Variants in SALL3 observed in about 807,000 individuals in gnomAD.
SALL3 encodes spalt like transcription factor 3.
A neutral mutation model predicts 66.2 loss-of-function variants in SALL3; 25 were observed. The ratio of observed to expected loss-of-function variants is 0.38; its 90% CI spans 0.28 to 0.53. SALL3 has a LOEUF of 0.53. Among genes scored for constraint, SALL3 ranks in the 20% least tolerant of loss-of-function variants. SALL3 has a pLI of 0.85. For missense variants in SALL3, 2,194 were observed against 1,916.5 expected (o/e 1.14, Z -2.70); for synonymous variants, 1,152 against 899.1 (o/e 1.28, Z -5.03).
chr18:78,993,226 G>T lies in SALL3; in HGVS notation c.1235G>T (p.Ser412Ile). The T allele has an allele frequency of 6.2e-7, 1 of 1,611,280 alleles. No individual in the cohort carries two copies. The highest frequency in any genetic ancestry group is 1.3e-5 in the African/African-American group (1 of 75,046). ...PNVSVFEPKA[S>I]AEDPFFKHKC... Reference sequence around the variant, plus strand: ...GTGTCGGTGTTCGAGCCCAAAGCCAGCGCCGAGGACCCGTTCTTCAAGCAC... The same window carrying T: ...GTGTCGGTGTTCGAGCCCAAAGCCATCGCCGAGGACCCGTTCTTCAAGCAC... Residue 412 changes from serine (S) to isoleucine (I), a missense_variant, in exon 2 of 3, where the codon AGC becomes ATC. Coordinates refer to ENST00000537592, the MANE Select transcript of SALL3 (RefSeq NM_171999.4).
intron 1 of SALL3, among the ~76,000 whole-genome samples, chr18:78,990,587 TCAA>T (rs1229407532): frequency 9.2e-5 from 14 of 152,242 alleles, no homozygotes; most frequent in Non-Finnish European, 1.3e-4. Flanking sequence ...ACCCTAAACA[TCAA>T]CAACAAATGT....
At chr18:78,991,003 A>T (rs1914413116) in intron 1 of SALL3, among the ~76,000 whole-genome samples, 1 of 152,162 alleles carries the variant, frequency 6.6e-6, no homozygotes, top group Non-Finnish European at 1.5e-5. Context: ...GAGACGGAGG[A>T]AGTGGCTGCC....
At position 78,998,572 on chromosome 18, in the gene SALL3, G is replaced by A. The variant is rs888800008; in HGVS notation, c.*1250G>A. ...GGACTATGACGTCAGTACAAGCCAG[G>A]AAGGAACTAGGATAACCTTCTGCAG... On this transcript the variant is annotated 3_prime_UTR_variant, in exon 3 of 3. Coordinates refer to ENST00000537592, the MANE Select transcript of SALL3 (RefSeq NM_171999.4). 2 of 152,194 alleles carry A rather than the reference G, an allele frequency of 1.3e-5. No individual in the cohort carries two copies. The highest frequency in any genetic ancestry group is 4.8e-5 in the African/African-American group (2 of 41,452). The allele number at this position is 152,194 out of a possible 1,614,324, so 9.4% of individuals were successfully genotyped here.
chr18:78,995,436 G>A lies in SALL3; in HGVS notation c.3445G>A (p.Ala1149Thr). The change falls in exon 2 of 3, where the codon GCC becomes ACC. Residue 1149 changes from alanine to threonine, a missense_variant. By Grantham distance (58) the Ala-to-Thr change is moderately conservative. Coordinates refer to ENST00000537592, the MANE Select transcript of SALL3 (RefSeq NM_171999.4). ...GTTCGGCTGCACCATCTGCGGCCGGGCCTTCACCACTAAGGGCAACCTCAA... is the reference window on the plus strand; with the variant it reads ...GTTCGGCTGCACCATCTGCGGCCGGACCTTCACCACTAAGGGCAACCTCAA... Reference protein sequence around the residue: ...KPFGCTICGRAFTTKGNLKVH... With the variant: ...KPFGCTICGRTFTTKGNLKVH... 1.3e-6 allele frequency: 2 copies of A among 1,581,136 alleles called. No individual in the cohort carries two copies. Among genetic ancestry groups the A allele is most frequent in the South Asian group, 1.1e-5 (1 of 87,654 alleles).
chr18:78,979,913 G>T lies in SALL3; in HGVS notation c.-362G>T, dbSNP rs972234041. 7.0e-6 allele frequency among the ~76,000 whole-genome samples: 1 copy of T among 143,554 alleles called. No individual in the cohort carries two copies. The highest frequency in any genetic ancestry group is 2.1e-4 in the East Asian group (1 of 4,814). 94.2% of individuals were successfully genotyped at this position (143,554 alleles called of 152,430 possible). On this transcript the variant is annotated 5_prime_UTR_variant, in exon 1 of 3. Coordinates refer to ENST00000537592, the MANE Select transcript of SALL3 (RefSeq NM_171999.4). ...CGCGCCGCACCCGGGCCCCGCCACA[G>T]CCGCACCCGGGGCGGCCGAGGAGCG...
At position 78,997,591 on chromosome 18, in the gene SALL3, G is replaced by A; in HGVS notation, c.*269G>A. 2 of 487,030 alleles carry A rather than the reference G, an allele frequency of 4.1e-6. No homozygotes were observed. The highest frequency in any genetic ancestry group is 3.6e-6 in the Non-Finnish European group (1 of 277,102). The allele number at this position is 487,030 out of a possible 1,614,324, so 30.2% of individuals were successfully genotyped here. On this transcript the variant is annotated 3_prime_UTR_variant, in exon 3 of 3. Transcript: ENST00000537592. Reference sequence around the variant, plus strand: ...CCGCCTTAGGAACAGAAAGAGCTCAGACCATGTCCACTTCCTTTCTCCTGA... The same window carrying A: ...CCGCCTTAGGAACAGAAAGAGCTCAAACCATGTCCACTTCCTTTCTCCTGA...
intron 1 of SALL3, among the ~76,000 whole-genome samples, chr18:78,987,671 G>A (rs1037984928): frequency 2.1e-4 from 32 of 152,200 alleles, no homozygotes; most frequent in Admixed American, 7.2e-4. Context: ...CAGCTAAGGC[G>A]GGTTGTGGCA....
Position 78,994,692 on chromosome 18 carries a change from T to TCCTCGC in SALL3, c.2702_2707dup (p.Ser902_Gln903insProSer), listed in dbSNP as rs1249425718. 1.2e-6 allele frequency: 2 copies of TCCTCGC among 1,606,986 alleles called. No individual in the cohort carries two copies. The highest frequency in any genetic ancestry group is 2.2e-5 in the East Asian group (1 of 44,844). ...CAGCCCCGCCCTGTCCGAGTCCTCG[T>TCCTCGC]CCTCGCAGGCCCTGTCGCCGGCCCC... On this transcript the variant is annotated inframe_insertion, in exon 2 of 3. Transcript: ENST00000537592.
At chr18:78,981,426 G>A in intron 1 of SALL3, among the ~76,000 whole-genome samples, 1 of 152,234 alleles carries the variant, frequency 6.6e-6, no homozygotes, top group Non-Finnish European at 1.5e-5. Flanking sequence ...CCTGTTATAA[G>A]TTGTTGGAGG....
rs767241104 is a variant in SALL3 at position 78,994,774 on chromosome 18, C to G, written c.2783C>G (p.Pro928Arg). 4 of 1,599,238 alleles carry G rather than the reference C, an allele frequency of 2.5e-6. No homozygotes were observed. The highest frequency in any genetic ancestry group is 2.7e-5 in the African/African-American group (2 of 74,610). Reference sequence around the variant, plus strand: ...CCGGGCCTGGGCGCCCCGGAGGAGCCCCAGGAAATCCCGCTCAAGACCGAG... The same window carrying G: ...CCGGGCCTGGGCGCCCCGGAGGAGCGCCAGGAAATCCCGCTCAAGACCGAG... ...KSPGLGAPEE[P>R]QEIPLKTERP... is the part of the protein sequence containing the mutation. The change falls in exon 2 of 3, where the codon CCC (proline) becomes CGC (arginine). Residue 928 changes from proline to arginine, a missense_variant. Physicochemically the swap from Pro to Arg is moderately radical, Grantham distance 103. Transcript: ENST00000537592.
rs199681655 is a variant in SALL3, at chr18:78,994,175, G to T, written c.2184G>T (p.Val728=). The change falls in exon 2 of 3, where the codon GTG becomes GTT. Residue 728 remains valine (V), a synonymous_variant. Transcript: ENST00000537592. ...GCAACCTCAAGACGCACTTCGGCGT[G>T]CACCGTGCAAAGCCGCCCCTGCGCG... is the stretch of plus-strand genomic sequence containing the variant. ...TKGNLKTHFG[V]HRAKPPLRVQ... 1.4e-5 allele frequency: 22 copies of T among 1,613,210 alleles called. No individual in the cohort carries two copies. In the East Asian group the frequency reaches 4.9e-4, roughly 36 times the overall value.
chr18:78,986,930 T>G (rs1346047601), intron 1 of SALL3, among the ~76,000 whole-genome samples: 6 of 152,250 alleles, frequency 3.9e-5, no homozygotes, highest in Admixed American at 3.9e-4. Context: ...CTTGAAATTT[T>G]TGAAGAAAGC....
rs1434724271 is a variant in SALL3 at position 78,994,154 on chromosome 18, C to T, written c.2163C>T (p.Asn721=). 6.2e-7 allele frequency: 1 copy of T among 1,613,036 alleles called. No individual in the cohort carries two copies. The highest frequency in any genetic ancestry group is 1.3e-5 in the African/African-American group (1 of 74,948). The stretch of plus-strand genomic sequence containing the variant: ...GCCGCGCCTTCACCACCAAGGGCAA[C>T]CTCAAGACGCACTTCGGCGTGCACC... ...ICGRAFTTKG[N]LKTHFGVHRA... The change falls in exon 2 of 3, where the codon AAC becomes AAT. Residue 721 remains asparagine (N), a synonymous_variant. Transcript: ENST00000537592.
chr18:78,993,893 C>G lies in SALL3; in HGVS notation c.1902C>G (p.Pro634=), dbSNP rs758293959. 2.5e-6 allele frequency: 4 copies of G among 1,583,884 alleles called. No individual in the cohort carries two copies. Among genetic ancestry groups the G allele is most frequent in the Admixed American group, 1.8e-5 (1 of 56,256 alleles). Reference sequence around the variant, plus strand: ...GCGCACCCACGAGCCTCGGCAGCCCCGGGCTGCCCGCCGTCTCCGAGCAGT... The same window carrying G: ...GCGCACCCACGAGCCTCGGCAGCCCGGGGCTGCCCGCCGTCTCCGAGCAGT... ...VDGAPTSLGS[P]GLPAVSEQFK... Residue 634 remains proline, a synonymous_variant, in exon 2 of 3, where the codon CCC becomes CCG. Transcript: ENST00000537592.
chr18:78,986,616 A>G (rs896426870), intron 1 of SALL3, among the ~76,000 whole-genome samples: 1 of 152,246 alleles, frequency 6.6e-6, no homozygotes, highest in Non-Finnish European at 1.5e-5. Context: ...AAACTGGAAA[A>G]AAATGCTTTC....
chr18:78,998,727 C>G lies in SALL3; in HGVS notation c.*1405C>G, dbSNP rs1371449514. 6.6e-6 allele frequency: 1 copy of G among 152,232 alleles called. No individual in the cohort carries two copies. The highest frequency in any genetic ancestry group is 2.4e-5 in the African/African-American group (1 of 41,462). 9.4% of individuals were successfully genotyped at this position (152,232 alleles called of 1,614,324 possible). ...GCAAGTATCAGGCAGTACAATCAGTCATGACTTTGAAATTTTCCGAGTTCC... is the reference window on the plus strand; with the variant it reads ...GCAAGTATCAGGCAGTACAATCAGTGATGACTTTGAAATTTTCCGAGTTCC... On this transcript the variant is annotated 3_prime_UTR_variant, in exon 3 of 3. Coordinates refer to ENST00000537592, the MANE Select transcript of SALL3 (RefSeq NM_171999.4).
intron 1 of SALL3, among the ~76,000 whole-genome samples, chr18:78,981,190 C>T (rs1373897508): frequency 2.6e-5 from 4 of 152,204 alleles, no homozygotes; most frequent in Non-Finnish European, 5.9e-5. Context: ...GGCTGGACTT[C>T]CCAGAGTGGC....
chr18:78,981,953 C>T (rs951486797), intron 1 of SALL3, among the ~76,000 whole-genome samples: 1 of 152,162 alleles, frequency 6.6e-6, no homozygotes, highest in Non-Finnish European at 1.5e-5. Flanking sequence ...ATTGTGGCTC[C>T]TGAATGGCTT....
rs762499418 is a variant in SALL3 at position 78,992,234 on chromosome 18, C to T, written c.243C>T (p.Ile81=). Residue 81 remains isoleucine (I), a synonymous_variant, in exon 2 of 3, where the codon ATC becomes ATT. Transcript: ENST00000537592. ...RSCTKLPPVL[I]VHEDAPAPPP... The stretch of plus-strand genomic sequence containing the variant: ...GCACCAAGCTCCCGCCCGTGCTGAT[C>T]GTGCACGAGGACGCGCCCGCGCCGC... The T allele has an allele frequency of 1.9e-6, 3 of 1,598,878 alleles. No individual in the cohort carries two copies. Among genetic ancestry groups the T allele is most frequent in the Admixed American group, 3.4e-5 (2 of 58,586 alleles).
Sources: gnomAD v4.1 joint callset for allele counts (sites outside exome capture counted in the v4.1 genomes callset) on GRCh38, gnomAD v4.1.1 for gene constraint, MANE v1.5 for transcripts, NCBI Gene and HGNC (gene_info 2026-07-23, HGNC 2026-07-21) for gene names.